The following GALK2 variants were observed in gnomAD, a reference collection of about 807,000 sequenced individuals.
GALK2 encodes the protein galactokinase 2.
A neutral mutation model predicts 52.4 loss-of-function variants in GALK2; 36 were observed. The ratio of observed to expected loss-of-function variants is 0.69; its 90% confidence interval spans 0.53 to 0.91. The LOEUF (loss-of-function observed/expected upper bound fraction) is 0.91. Among genes scored for constraint, GALK2 ranks in the 40% least tolerant of loss-of-function variants. GALK2 has a pLI of 0.00. For synonymous variants in GALK2, 176 were observed against 199.1 expected, an observed-to-expected ratio of 0.88 and a Z score of 0.98; for missense variants, 579 against 559.1, an observed-to-expected ratio of 1.04 and a Z score of -0.36.
chr15:49,235,784 G>A, intron 3 of GALK2, 67 bp from the exon 4 acceptor site: 2 of 982,272 alleles, frequency 2.0e-6, no homozygotes, highest in Non-Finnish European at 3.3e-6. Context: ...GATGGCAGCA[G>A]TCATCCATTG....
chr15:49,204,334 G>A (rs1216273283), intron 2 of GALK2, among the ~76,000 whole-genome samples: 1 of 150,658 alleles, frequency 6.6e-6, no homozygotes, highest in Non-Finnish European at 1.5e-5. Flanking sequence ...GGTTTTTTGG[G>A]GTCTTTTGTG....
In GALK2 at chr15:49,186,534, A is replaced by G. The variant is rs530501313; in HGVS notation, c.54-14628A>G. Among the ~76,000 whole-genome samples, 71 of 138,284 alleles carry G rather than the reference A, an allele frequency of 5.1e-4. 1 individual carries two copies. Among genetic ancestry groups the G allele is most frequent in the Non-Finnish European group, 1.1e-4 (7 of 64,358 alleles). The allele number at this position is 138,284 out of a possible 152,430, so 90.7% of individuals were successfully genotyped here. On this transcript the variant is annotated intron_variant, in intron 1 of 9. Transcript: ENST00000560031. ...GAATTTTTTCTCTGTATTGTCCTGA[A>G]TTTTTTTCTTTTTTTTTTTTTTTTG...
rs1449223725 is a variant in GALK2, at chr15:49,331,044, C to G, written c.*2885C>G. ...TTATACAACACCCAGGTGTTTCACT[C>G]TTTCTATCACTTTTCTGCCCCATGT... On this transcript the variant is annotated 3_prime_UTR_variant, in exon 10 of 10. Coordinates refer to ENST00000560031, the MANE Select transcript of GALK2 (RefSeq NM_002044.4). The G allele has an allele frequency of 1.3e-5, 2 of 152,254 alleles. No homozygotes were observed. Among genetic ancestry groups the G allele is most frequent in the Non-Finnish European group, 2.9e-5 (2 of 68,050 alleles). The allele number at this position is 152,254 out of a possible 1,614,324, so 9.4% of individuals were successfully genotyped here. A position where few individuals can be genotyped will look rare whatever the true frequency, so the allele number is the denominator to read the frequency against.
intron 1 of GALK2, among the ~76,000 whole-genome samples, chr15:49,183,246 A>G (rs55736202): frequency 0.49 from 73,709 of 151,958 alleles, 18,437 homozygotes; most frequent in African/African-American, 0.61. Flanking sequence ...GTTTAGATGC[A>G]TCATTAGGTC....
At chr15:49,335,349 AT>A (rs1192308443), downstream of GALK2, 2 of 1,006,374 alleles carry the variant, frequency 2.0e-6, no homozygotes, top group Non-Finnish European at 3.1e-6. Flanking sequence ...AGTTTAGATG[AT>A]TTCTCTGATT....
chr15:49,316,292 T>C (rs1256521376), intron 8 of GALK2, among the ~76,000 whole-genome samples: 2 of 152,020 alleles, frequency 1.3e-5, no homozygotes, highest in Admixed American at 1.3e-4. Flanking sequence ...GATATAGTGG[T>C]TATCTACGAA....
chr15:49,267,040 A>T (rs929558251), intron 5 of GALK2, among the ~76,000 whole-genome samples: 1 of 152,164 alleles, frequency 6.6e-6, no homozygotes, highest in Non-Finnish European at 1.5e-5. Flanking sequence ...TGAGCCACGT[A>T]AAGGGGTAAA....
chr15:49,247,627 A>G (rs1171008741), intron 5 of GALK2, among the ~76,000 whole-genome samples: 1 of 152,210 alleles, frequency 6.6e-6, no homozygotes, highest in Non-Finnish European at 1.5e-5. Flanking sequence ...GAAGTTAAAC[A>G]GGGACAGTTT....
intron 1 of GALK2, among the ~76,000 whole-genome samples, chr15:49,157,728 A>G (rs1045341419): frequency 6.6e-6 from 1 of 152,234 alleles, no homozygotes; most frequent in African/African-American, 2.4e-5. Context: ...AGCAGAGAAC[A>G]GGATCATTGG....
intron 3 of GALK2, among the ~76,000 whole-genome samples, chr15:49,358,993 T>C (rs2151382251): frequency 6.6e-6 from 1 of 151,696 alleles, no homozygotes; most frequent in East Asian, 1.9e-4. Context: ...GGGGAAAGGA[T>C]TCCCTATTTA....
chr15:49,208,345 G>A (rs1193826237), intron 2 of GALK2, among the ~76,000 whole-genome samples: 1 of 152,034 alleles, frequency 6.6e-6, no homozygotes, highest in Non-Finnish European at 1.5e-5. Flanking sequence ...GTTTTGATAG[G>A]TTGTGTCATT....
At chr15:49,163,060 C>T (rs2084707369) in intron 1 of GALK2, among the ~76,000 whole-genome samples, 1 of 152,172 alleles carries the variant, frequency 6.6e-6, no homozygotes, top group East Asian at 1.9e-4. Context: ...TTAAGAAACT[C>T]TCAAATTGTT....
intron 3 of GALK2, among the ~76,000 whole-genome samples, chr15:49,230,615 A>AT (rs1199810398): frequency 1.1e-4 from 16 of 151,866 alleles, no homozygotes; most frequent in Non-Finnish European, 2.2e-4. Flanking sequence ...CCGACTTCAT[A>AT]TTTTTTTTGA....
intron 5 of GALK2, among the ~76,000 whole-genome samples, chr15:49,248,554 T>C (rs189447429): frequency 8.7e-4 from 133 of 152,336 alleles, no homozygotes; most frequent in African/African-American, 3.0e-3. Context: ...GCTATAGTGT[T>C]AGCTCTGGGT....
At chr15:49,292,567 G>A (rs752446759) in intron 8 of GALK2, 30 bp downstream of exon 8, 6 of 1,562,012 alleles carry the variant, frequency 3.8e-6, no homozygotes, top group African/African-American at 1.4e-5. Context: ...TATGATATAT[G>A]TTATTCCCTC....
At chr15:49,236,570 C>T (rs1052179954) in intron 4 of GALK2, among the ~76,000 whole-genome samples, 3 of 151,944 alleles carry the variant, frequency 2.0e-5, no homozygotes, top group Admixed American at 6.6e-5. Flanking sequence ...CATACAAGAA[C>T]AAGAAAATAA....
intron 3 of GALK2, among the ~76,000 whole-genome samples, chr15:49,228,682 T>C (rs12907262): frequency 0.081 from 1,181 of 14,534 alleles, 151 homozygotes; most frequent in East Asian, 0.3. Flanking sequence ...TATATATATA[T>C]ATATATTTTT....
chr15:49,156,264 T>A, intron 1 of GALK2: 2 of 511,622 alleles, frequency 3.9e-6, no homozygotes, highest in Non-Finnish European at 7.1e-6. Context: ...CAAATTAAGG[T>A]AACAACGACT....
intron 1 of GALK2, chr15:49,178,304 T>TATACATG (rs1339035783): frequency 1.5e-5 from 2 of 131,520 alleles, no homozygotes; most frequent in Non-Finnish European, 3.4e-5. Context: ...CATGTACATA[T>TATACATG]ATGTATGCAC....
Sources: gnomAD v4.1 joint callset for allele counts (sites outside exome capture counted in the v4.1 genomes callset) on GRCh38, gnomAD v4.1.1 for gene constraint, MANE v1.5 for transcripts, NCBI Gene and HGNC (gene_info 2026-07-23, HGNC 2026-07-21) for gene names.